TLN2: variants seen among roughly 807,000 people sequenced by gnomAD.
TLN2 encodes the protein talin-2.
A neutral mutation model predicts 294.7 loss-of-function variants in TLN2; 118 were observed. That is an observed-to-expected ratio of 0.40 (90% CI 0.34 to 0.47). TLN2 has a LOEUF of 0.47. Among genes scored for constraint, TLN2 ranks in the 20% least tolerant of loss-of-function variants. The pLI is 0.84. For missense variants in TLN2, 3,083 were observed against 3,282.2 expected (o/e 0.94, Z 1.48); for synonymous variants, 1,431 against 1,304.5 (o/e 1.10, Z -2.09).
chr15:62,657,155 G>C (rs868144326), intron 8 of TLN2, among the ~76,000 whole-genome samples: 7 of 151,488 alleles, frequency 4.6e-5, no homozygotes, highest in African/African-American at 1.7e-4. Flanking sequence ...TGAAAAGGTG[G>C]GGGGGGGAAG....
intron 1 of TLN2, among the ~76,000 whole-genome samples, chr15:62,548,611 C>T (rs939600343): frequency 9.2e-5 from 14 of 152,142 alleles, no homozygotes; most frequent in Non-Finnish European, 1.6e-4. Context: ...ACATTTATTC[C>T]GCCTAACTAA....
chr15:62,702,734 C>T (rs766459762), intron 18 of TLN2, 32 bp from the exon 19 acceptor site: 15 of 1,604,490 alleles, frequency 9.3e-6, no homozygotes, highest in Non-Finnish European at 1.3e-5. Flanking sequence ...AATGCGTTTT[C>T]TTTCCAATTA....
At chr15:62,765,956 C>T (rs188288057) in intron 40 of TLN2, among the ~76,000 whole-genome samples, 1 of 152,314 alleles carries the variant, frequency 6.6e-6, no homozygotes, top group Admixed American at 6.5e-5. Context: ...CCTCAGACCC[C>T]TCCATTATCT....
At chr15:62,737,763 C>T (rs1441605186) in intron 29 of TLN2, among the ~76,000 whole-genome samples, 2 of 152,228 alleles carry the variant, frequency 1.3e-5, no homozygotes, top group African/African-American at 4.8e-5. Context: ...AGTCACTGAG[C>T]AGAAATTAAC....
At chr15:62,413,294 T>C (rs1457092601) in intron 1 of TLN2, among the ~76,000 whole-genome samples, 1 of 152,184 alleles carries the variant, frequency 6.6e-6, no homozygotes, top group Non-Finnish European at 1.5e-5. Flanking sequence ...GGATCTTATT[T>C]AGTCCATGCA....
At chr15:62,685,899 C>T (rs931450047) in intron 11 of TLN2, among the ~76,000 whole-genome samples, 5 of 152,032 alleles carry the variant, frequency 3.3e-5, no homozygotes, top group South Asian at 2.1e-4. Flanking sequence ...GCATATTAAT[C>T]GTTTCCTTTA....
chr15:62,663,858 A>G (rs2054206006), intron 9 of TLN2, among the ~76,000 whole-genome samples: 1 of 152,040 alleles, frequency 6.6e-6, no homozygotes, highest in African/African-American at 2.4e-5. Context: ...CCAAACTTAC[A>G]GATTCAGTTC....
intron 1 of TLN2, among the ~76,000 whole-genome samples, chr15:62,411,137 C>T (rs1052583617): frequency 6.6e-6 from 1 of 152,064 alleles, no homozygotes; most frequent in African/African-American, 2.4e-5. Flanking sequence ...AGTCTGGAAG[C>T]GTATGTGTGG....
At chr15:62,809,701 G>C (rs2141171944) in intron 51 of TLN2, among the ~76,000 whole-genome samples, 2 of 152,328 alleles carry the variant, frequency 1.3e-5, no homozygotes, top group African/African-American at 4.8e-5. Flanking sequence ...TCTATCGTTT[G>C]GCCCCAGGGC....
At chr15:62,427,393 C>T (rs2034772900) in intron 1 of TLN2, among the ~76,000 whole-genome samples, 1 of 152,088 alleles carries the variant, frequency 6.6e-6, no homozygotes, top group Admixed American at 6.6e-5. Flanking sequence ...ATACCTTGTC[C>T]TTGGTCTAGT....
intron 1 of TLN2, among the ~76,000 whole-genome samples, chr15:62,470,055 C>T (rs999627724): frequency 1.3e-5 from 2 of 152,158 alleles, no homozygotes; most frequent in Admixed American, 6.5e-5. Context: ...TTGCTAAGAG[C>T]TCAGGAAAAG....
chr15:62,773,108 GCTGA>G (rs1206655761), intron 42 of TLN2, among the ~76,000 whole-genome samples: 1 of 110,376 alleles, frequency 9.1e-6, no homozygotes, highest in Non-Finnish European at 1.9e-5. Context: ...AGCTTACAGT[GCTGA>G]CTGTCTGTGC....
At chr15:62,556,311 T>C (rs528371002) in intron 1 of TLN2, among the ~76,000 whole-genome samples, 1 of 152,122 alleles carries the variant, frequency 6.6e-6, no homozygotes, top group East Asian at 1.9e-4. Flanking sequence ...TTCTCTTCTC[T>C]TTTTTTCTTT....
chr15:62,669,617 A>C (rs563204199), intron 9 of TLN2, among the ~76,000 whole-genome samples: 2 of 152,336 alleles, frequency 1.3e-5, no homozygotes, highest in South Asian at 4.1e-4. Flanking sequence ...TTGCTTAATT[A>C]GGAAAATTTC....
intron 9 of TLN2, among the ~76,000 whole-genome samples, chr15:62,669,289 A>G (rs185668454): frequency 6.6e-6 from 1 of 152,322 alleles, no homozygotes; most frequent in East Asian, 1.9e-4. Context: ...TGTGCTCTCC[A>G]GCCAGCTGCA....
At chr15:62,701,282 T>C (rs1341012158) in intron 17 of TLN2, 68 bp downstream of exon 17, 2 of 1,286,558 alleles carry the variant, frequency 1.6e-6, no homozygotes, top group Non-Finnish European at 2.2e-6. Flanking sequence ...TTTTTAATTT[T>C]AAAAAATAAG....
At chr15:62,683,812 G>A (rs901221307) in intron 11 of TLN2, among the ~76,000 whole-genome samples, 1 of 152,162 alleles carries the variant, frequency 6.6e-6, no homozygotes, top group African/African-American at 2.4e-5. Flanking sequence ...TTGAAGGTCG[G>A]AAAGGAGTGG....
chr15:62,737,066 C>G lies in TLN2; in HGVS notation c.3547C>G (p.Arg1183Gly), dbSNP rs763696708. 1 of 1,614,186 alleles carries G rather than the reference C, an allele frequency of 6.2e-7. No individual in the cohort carries two copies. The highest frequency in any genetic ancestry group is 8.5e-7 in the Non-Finnish European group (1 of 1,180,042). The change falls in exon 29 of 59, where the codon CGT becomes GGT. Residue 1183 changes from arginine to glycine, a missense_variant. By Grantham distance (125) the Arg-to-Gly change is moderately radical. Transcript: ENST00000636159. ...CCTGATTGCACCTGGAGATGCAGAG[C>G]GTCAACAAAGACTGGCTCAGGTGAG... is the stretch of plus-strand genomic sequence containing the variant. Reference protein sequence around the residue: ...QALIAPGDAERQQRLAQVAKA... With the variant: ...QALIAPGDAEGQQRLAQVAKA...
intron 3 of TLN2, 103 bp from the exon 4 acceptor site, chr15:62,647,172 C>A: frequency 9.2e-7 from 1 of 1,090,736 alleles, no homozygotes; most frequent in Non-Finnish European, 1.3e-6. Context: ...ATTCTCTTTC[C>A]ATGTTTAAAG....
Sources: allele counts gnomAD v4.1 joint callset (sites outside exome capture counted in the v4.1 genomes callset), GRCh38; gene constraint gnomAD v4.1.1; transcripts MANE v1.5; gene names NCBI Gene and HGNC (gene_info 2026-07-23, HGNC 2026-07-21).